ZFAT: variants seen among roughly 807,000 people sequenced by gnomAD.
ZFAT encodes the protein zinc finger and AT-hook domain containing, also known as zinc finger protein ZFAT.
In ZFAT, 64 loss-of-function variants were observed where a neutral mutation model predicts 117.7. The ratio of observed to expected loss-of-function variants is 0.54; its 90% CI spans 0.44 to 0.67. ZFAT has a LOEUF of 0.67. ZFAT is among the 30% of genes least tolerant of loss of function. The pLI, the probability that ZFAT is intolerant of heterozygous loss-of-function variation, is 0.00. For synonymous variants in ZFAT, 679 were observed against 615.0 expected (o/e 1.10, Z -1.54); for missense variants, 1,433 against 1,584.5 (o/e 0.90, Z 1.62).
chr8:134,625,854 C>T (rs1414492453), intron 3 of ZFAT, among the ~76,000 whole-genome samples: 1 of 152,154 alleles, frequency 6.6e-6, no homozygotes, highest in Non-Finnish European at 1.5e-5. Flanking sequence ...ACCGTGAGAC[C>T]GTTAATTAGA....
intron 1 of ZFAT, among the ~76,000 whole-genome samples, chr8:134,677,662 G>A (rs1302018669): frequency 6.6e-6 from 1 of 152,114 alleles, no homozygotes; most frequent in Non-Finnish European, 1.5e-5. Context: ...TAAAAATTTA[G>A]GCCAATATCC....
intron 4 of ZFAT, among the ~76,000 whole-genome samples, chr8:134,609,805 A>G (rs1828179849): frequency 6.6e-6 from 1 of 152,190 alleles, no homozygotes; most frequent in Non-Finnish European, 1.5e-5. Flanking sequence ...ATTTCATGTA[A>G]AAGAATACAG....
intron 11 of ZFAT, chr8:134,565,040 C>A (rs936492645): frequency 3.6e-6 from 5 of 1,376,746 alleles, no homozygotes; most frequent in Admixed American, 2.2e-5. Flanking sequence ...AGCCTGCAAG[C>A]CTTCCTCTAA....
chr8:134,483,032 G>T (rs939527770), intron 15 of ZFAT, among the ~76,000 whole-genome samples: 11 of 152,216 alleles, frequency 7.2e-5, no homozygotes, highest in Admixed American at 2.0e-4. Context: ...GGGAGAGTGG[G>T]TTGCTTTACA....
At chr8:134,519,445 C>T (rs998076679) in intron 13 of ZFAT, among the ~76,000 whole-genome samples, 21 of 152,088 alleles carry the variant, frequency 1.4e-4, no homozygotes, top group African/African-American at 4.8e-4. Context: ...TATATGTGTG[C>T]ATATATTAGC....
chr8:134,832,006 G>C, the ZFAT span, among the ~76,000 whole-genome samples: 1 of 148,680 alleles, frequency 6.7e-6, no homozygotes, highest in Non-Finnish European at 1.5e-5. Context: ...GGGGTCGGGC[G>C]AGGAGGCCGC....
the ZFAT span, among the ~76,000 whole-genome samples, chr8:134,809,659 T>C: frequency 6.6e-6 from 1 of 152,324 alleles, no homozygotes; most frequent in East Asian, 1.9e-4. Flanking sequence ...ATGGTAACAT[T>C]AAAATCCTAG....
In ZFAT at chr8:134,557,730, C is replaced by A. The variant is rs182180036; in HGVS notation, c.2976+7603G>T. Among the ~76,000 whole-genome samples the A allele has an allele frequency of 1.6e-3, 248 of 152,170 alleles. 1 individual carries two copies. Among genetic ancestry groups the A allele is most frequent in the South Asian group, 5.4e-3 (26 of 4,816 alleles). ...TTATACAACACATAGAAAACAGACA[C>A]CAAGATCATACTCTTAAGTTAAAAG... On this transcript the variant is annotated intron_variant, in intron 11 of 15. Coordinates refer to ENST00000377838, the MANE Select transcript of ZFAT (RefSeq NM_020863.4).
At chr8:134,571,761 T>C (rs769710105) in intron 10 of ZFAT, among the ~76,000 whole-genome samples, 1 of 152,212 alleles carries the variant, frequency 6.6e-6, no homozygotes, top group Non-Finnish European at 1.5e-5. Context: ...TTATGAGCTA[T>C]CATATAAATA....
At chr8:134,732,774 A>G in the ZFAT span, among the ~76,000 whole-genome samples, 1 of 152,182 alleles carries the variant, frequency 6.6e-6, no homozygotes, top group African/African-American at 2.4e-5. Context: ...AACTATAGAG[A>G]CAGTAAAAAG....
At chr8:134,824,113 A>T in the ZFAT span, among the ~76,000 whole-genome samples, 1 of 152,266 alleles carries the variant, frequency 6.6e-6, no homozygotes. Flanking sequence ...AAACAATGTA[A>T]TAACTGCTTT....
the ZFAT span, among the ~76,000 whole-genome samples, chr8:134,767,915 C>T: frequency 1.3e-5 from 2 of 152,112 alleles, no homozygotes; most frequent in African/African-American, 4.8e-5. Context: ...ACAAAATTGA[C>T]CCCATCTTAT....
chr8:134,799,282 C>T, the ZFAT span, among the ~76,000 whole-genome samples: 108 of 152,264 alleles, frequency 7.1e-4, 1 homozygote, highest in African/African-American at 2.5e-3. Flanking sequence ...GATTTAGGCA[C>T]AGGCAAGAGC....
In ZFAT at chr8:134,478,102, C is replaced by T. The variant is rs1298223983; in HGVS notation, c.*380G>A. On this transcript the variant is annotated 3_prime_UTR_variant, in exon 16 of 16. Coordinates refer to ENST00000377838, the MANE Select transcript of ZFAT (RefSeq NM_020863.4). The surrounding 1 kb of genome is among the most constrained non-coding windows in gnomAD (Gnocchi z 5.2). The stretch of plus-strand genomic sequence containing the variant: ...AGCGGTTGCAGATGAACATTTGGCA[C>T]CTAGATGGGGGTCAAGGAGCTGGGG... 2 of 248,340 alleles carry T rather than the reference C, an allele frequency of 8.1e-6. No individual in the cohort carries two copies. The highest frequency in any genetic ancestry group is 9.7e-5 in the Admixed American group (2 of 20,682). The allele number at this position is 248,340 out of a possible 1,614,324, so 15.4% of individuals were successfully genotyped here. A position where few individuals can be genotyped will look rare whatever the true frequency, so the allele number is the denominator to read the frequency against.
intron 1 of ZFAT, among the ~76,000 whole-genome samples, chr8:134,681,777 T>C (rs986436082): frequency 4.6e-5 from 7 of 152,226 alleles, no homozygotes; most frequent in Non-Finnish European, 7.3e-5. Flanking sequence ...TTCTTGTTTT[T>C]CATTTGCCCT....
intron 1 of ZFAT, among the ~76,000 whole-genome samples, chr8:134,678,295 AC>A (rs1340244780): frequency 2.6e-5 from 4 of 151,494 alleles, no homozygotes; most frequent in African/African-American, 9.8e-5. Flanking sequence ...ATTCCTATAC[AC>A]CAGTAACAAA....
chr8:134,564,741 C>T (rs1586718131), intron 11 of ZFAT, among the ~76,000 whole-genome samples: 1 of 152,222 alleles, frequency 6.6e-6, no homozygotes, highest in Non-Finnish European at 1.5e-5. Flanking sequence ...GAACTTTTTA[C>T]TGAACACATT....
chr8:134,775,119 A>G, the ZFAT span, among the ~76,000 whole-genome samples: 1 of 152,208 alleles, frequency 6.6e-6, no homozygotes, highest in East Asian at 1.9e-4. Context: ...CTCCATCTCA[A>G]AACAAAAACA....
At chr8:134,755,844 A>G in the ZFAT span, among the ~76,000 whole-genome samples, 1 of 148,012 alleles carries the variant, frequency 6.8e-6, no homozygotes, top group South Asian at 2.1e-4. Flanking sequence ...AAAGAAAAAG[A>G]AAAAAAAAAG....
Sources: allele counts gnomAD v4.1 joint callset (sites outside exome capture counted in the v4.1 genomes callset), GRCh38; gene constraint gnomAD v4.1.1; non-coding constraint Gnocchi (gnomAD v3.1); transcripts MANE v1.5; gene names NCBI Gene and HGNC (gene_info 2026-07-23, HGNC 2026-07-21).